The following ATG10 variants were observed in gnomAD, a reference collection of about 807,000 sequenced individuals.
ATG10 encodes ubiquitin-like-conjugating enzyme ATG10.
Under a neutral mutation model 32.1 loss-of-function variants are expected in ATG10, and 30 were observed. That is an observed-to-expected ratio of 0.94 (90% CI 0.70 to 1.27). The LOEUF (loss-of-function observed/expected upper bound fraction) is 1.27, where lower values mean the gene tolerates loss of function less well. ATG10 is among the 50% of genes most tolerant of loss of function. The probability of loss-of-function intolerance (pLI) is 0.00; values close to 1 mark genes in which losing one functional copy is unlikely to be tolerated. For missense variants in ATG10, 233 were observed against 262.3 expected, an observed-to-expected ratio of 0.89 and a Z score of 0.77; for synonymous variants, 87 against 91.5, an observed-to-expected ratio of 0.95 and a Z score of 0.28.
Position 81,987,681 on chromosome 5 carries a change from A to AATCTTGACTG in ATG10, c.108+4_108+5insTCTTGACTGA. On this transcript the variant is annotated splice_donor_region_variant and intron_variant, in intron 2 of 7. Coordinates refer to ENST00000282185, the MANE Select transcript of ATG10 (RefSeq NM_031482.5). ...GTTGGGAATGGAGACCATCAAAGGTAAGAATGGAAATGTTTGTTTTCTGTC... is the reference window on the plus strand; with the variant it reads ...GTTGGGAATGGAGACCATCAAAGGTAATCTTGACTGAGAATGGAAATGTTTGTTTTCTGTC... The AATCTTGACTG allele has an allele frequency of 6.3e-7, 1 of 1,587,740 alleles. No individual in the cohort carries two copies. Among genetic ancestry groups the AATCTTGACTG allele is most frequent in the Non-Finnish European group, 8.6e-7 (1 of 1,166,462 alleles).
At chr5:82,186,614 G>A (rs1476935238) in intron 5 of ATG10, among the ~76,000 whole-genome samples, 6 of 120,174 alleles carry the variant, frequency 5.0e-5, no homozygotes, top group Admixed American at 4.8e-4. Flanking sequence ...TTTTTTTTCA[G>A]ACAGAGTCTT....
chr5:82,163,453 T>A (rs1280340890), intron 3 of ATG10, among the ~76,000 whole-genome samples: 1 of 152,240 alleles, frequency 6.6e-6, no homozygotes, highest in Non-Finnish European at 1.5e-5. Flanking sequence ...GGAAACCTTA[T>A]TTCATATTGA....
chr5:82,243,736 A>AAATTAAT (rs1746901443), intron 5 of ATG10, among the ~76,000 whole-genome samples: 1 of 152,148 alleles, frequency 6.6e-6, no homozygotes, highest in African/African-American at 2.4e-5. Flanking sequence ...TTTCTCTTAG[A>AAATTAAT]AATTAATAAG....
chr5:82,003,419 A>G (rs1469276517), intron 2 of ATG10, among the ~76,000 whole-genome samples: 1 of 152,186 alleles, frequency 6.6e-6, no homozygotes, highest in Non-Finnish European at 1.5e-5. Flanking sequence ...GTCTGAGGGA[A>G]GAAGTGTACA....
chr5:82,232,841 C>T (rs1439546192), intron 5 of ATG10, among the ~76,000 whole-genome samples: 3 of 152,120 alleles, frequency 2.0e-5, no homozygotes, highest in African/African-American at 7.2e-5. Flanking sequence ...TGCAGGAGGG[C>T]AGCTTCCTTC....
At chr5:82,161,865 G>A (rs576478487) in intron 3 of ATG10, among the ~76,000 whole-genome samples, 9 of 151,874 alleles carry the variant, frequency 5.9e-5, no homozygotes, top group African/African-American at 1.7e-4. Context: ...ATTTTAAAAC[G>A]TGTATATAGT....
chr5:82,053,162 C>G (rs182338865), intron 2 of ATG10, among the ~76,000 whole-genome samples: 59 of 152,250 alleles, frequency 3.9e-4, no homozygotes, highest in Non-Finnish European at 7.5e-4. Flanking sequence ...CCCTTTCATA[C>G]TTTTTGATCT....
At chr5:82,011,137 C>T (rs1762116690) in intron 2 of ATG10, among the ~76,000 whole-genome samples, 1 of 152,134 alleles carries the variant, frequency 6.6e-6, no homozygotes, top group South Asian at 2.1e-4. Flanking sequence ...AAATCTCAAA[C>T]TCAACATGAT....
At chr5:81,998,780 A>C (rs1364020066) in intron 2 of ATG10, among the ~76,000 whole-genome samples, 2 of 152,226 alleles carry the variant, frequency 1.3e-5, no homozygotes, top group African/African-American at 4.8e-5. Context: ...CAAAGATAAA[A>C]AATGACAAAG....
At chr5:82,215,333 AC>A (rs1745635155) in intron 5 of ATG10, among the ~76,000 whole-genome samples, 1 of 152,154 alleles carries the variant, frequency 6.6e-6, no homozygotes, top group Admixed American at 6.5e-5. Flanking sequence ...AGACATAACA[AC>A]CTTTTGTAAC....
chr5:81,994,921 C>A (rs1415794457), intron 2 of ATG10, among the ~76,000 whole-genome samples: 1 of 152,124 alleles, frequency 6.6e-6, no homozygotes, highest in Non-Finnish European at 1.5e-5. Context: ...TGTTTTAGTT[C>A]ATCAAGACTG....
At chr5:82,242,683 C>G (rs1345629523) in intron 5 of ATG10, 1 of 330,064 alleles carries the variant, frequency 3.0e-6, no homozygotes, top group African/African-American at 2.2e-5. Flanking sequence ...ATAATATAAT[C>G]CAAGTGCTAA....
At chr5:82,244,548 G>A (rs760057811) in intron 5 of ATG10, among the ~76,000 whole-genome samples, 3 of 152,130 alleles carry the variant, frequency 2.0e-5, no homozygotes, top group Non-Finnish European at 4.4e-5. Flanking sequence ...GTTAGCATGA[G>A]GGAGATACCT....
intron 5 of ATG10, among the ~76,000 whole-genome samples, chr5:82,182,745 T>C (rs552294249): frequency 1.3e-5 from 2 of 152,226 alleles, no homozygotes; most frequent in Admixed American, 1.3e-4. Context: ...GCTGTGGCTA[T>C]TAAAGGCAAC....
rs528144683 is a variant in ATG10 at position 82,203,652 on chromosome 5, A to C, written c.453+25065A>C. 3.9e-5 allele frequency among the ~76,000 whole-genome samples: 6 copies of C among 151,998 alleles called. No homozygotes were observed. The South Asian group carries it at 6.2e-4, about 16-fold the overall frequency. On this transcript the variant is annotated intron_variant, in intron 5 of 7. Transcript: ENST00000282185. ...CTAGTTTTTGTCTGTAAGCCAGGGGAGTTTAATCTGTTTACCTTTATTATG... is the reference window on the plus strand; with the variant it reads ...CTAGTTTTTGTCTGTAAGCCAGGGGCGTTTAATCTGTTTACCTTTATTATG...
At chr5:82,182,211 G>T (rs1744263694) in intron 5 of ATG10, among the ~76,000 whole-genome samples, 1 of 152,030 alleles carries the variant, frequency 6.6e-6, no homozygotes. Flanking sequence ...TTTTCTTAGT[G>T]GATTCTTTTT....
At chr5:82,161,452 G>T (rs547635212) in intron 3 of ATG10, among the ~76,000 whole-genome samples, 58 of 152,088 alleles carry the variant, frequency 3.8e-4, no homozygotes, top group African/African-American at 1.3e-3. Flanking sequence ...ATGCCTAATT[G>T]ATCACCAGTT....
intron 3 of ATG10, among the ~76,000 whole-genome samples, chr5:82,069,267 T>C (rs1411906553): frequency 6.6e-6 from 1 of 152,160 alleles, no homozygotes. Context: ...TTGAATTTTT[T>C]TGGTAGCTTG....
At chr5:82,198,692 C>G (rs1744952015) in intron 5 of ATG10, among the ~76,000 whole-genome samples, 1 of 152,238 alleles carries the variant, frequency 6.6e-6, no homozygotes, top group South Asian at 2.1e-4. Context: ...ATTCTAAGGA[C>G]AGGCCACTGT....
Sources: gnomAD v4.1 joint callset for allele counts (sites outside exome capture counted in the v4.1 genomes callset) on GRCh38, gnomAD v4.1.1 for gene constraint, MANE v1.5 for transcripts, NCBI Gene and HGNC (gene_info 2026-07-23, HGNC 2026-07-21) for gene names.